The following YEATS2 variants were observed in gnomAD, a reference collection of about 807,000 sequenced individuals.
YEATS2 encodes the protein YEATS domain containing 2, also known as YEATS domain-containing protein 2.
YEATS2 carries 77 observed loss-of-function variants against 163.2 expected under a neutral mutation model. The ratio of observed to expected loss-of-function variants is 0.47; its 90% CI spans 0.39 to 0.57. The LOEUF is 0.57. YEATS2 is among the 20% of genes least tolerant of loss of function. The pLI, the probability that YEATS2 is intolerant of heterozygous loss-of-function variation, is 0.00. For missense variants in YEATS2, 1,549 were observed against 1,729.8 expected (o/e 0.90, Z 1.85); for synonymous variants, 631 against 645.1 (o/e 0.98, Z 0.33).
chr3:183,803,994 G>A lies in YEATS2; in HGVS notation c.3590G>A (p.Arg1197Lys). The A allele has an allele frequency of 6.2e-7, 1 of 1,613,982 alleles. No homozygotes were observed. Among genetic ancestry groups the A allele is most frequent in the Non-Finnish European group, 8.5e-7 (1 of 1,179,986 alleles). Reference protein sequence around the residue: ...IGKRRAAEWQRAMTMRKVLQE... With the variant: ...IGKRRAAEWQKAMTMRKVLQE... ...GAAAATTTTTTTTTTAAGTGGCAAA[G>A]AGCAATGACAATGCGAAAAGTCTTA... is the stretch of plus-strand genomic sequence containing the variant. Residue 1197 changes from arginine (R) to lysine (K), a missense_variant, in exon 27 of 31, where the codon AGA becomes AAA. By Grantham distance (26) the Arg-to-Lys change is conservative. Transcript: ENST00000305135.
At chr3:183,793,421 T>C in intron 21 of YEATS2, 2 of 1,016,162 alleles carry the variant, frequency 2.0e-6, no homozygotes, top group Non-Finnish European at 2.4e-6. Context: ...ACTAACTGTT[T>C]TATTTGAGGC....
intron 12 of YEATS2, among the ~76,000 whole-genome samples, chr3:183,758,366 A>T (rs3043155): frequency 6.6e-6 from 1 of 151,182 alleles, no homozygotes; most frequent in African/African-American, 2.4e-5. Flanking sequence ...CAGGAAAAAA[A>T]AATAATAATG....
intron 25 of YEATS2, 199 bp downstream of exon 25, chr3:183,801,727 G>A (rs1451773592): frequency 2.0e-6 from 1 of 489,276 alleles, no homozygotes; most frequent in African/African-American, 2.0e-5. Flanking sequence ...TCACTGTGTT[G>A]ATCTGTAGAA....
intron 8 of YEATS2, among the ~76,000 whole-genome samples, chr3:183,743,254 A>C (rs1328475752): frequency 2.0e-5 from 3 of 152,380 alleles, no homozygotes; most frequent in Middle Eastern, 3.4e-3. Context: ...AGTTGGAGCA[A>C]CTGAAATAAT....
chr3:183,753,976 A>G, intron 10 of YEATS2, 150 bp from the exon 11 acceptor site: 1 of 1,022,132 alleles, frequency 9.8e-7, no homozygotes, highest in Non-Finnish European at 1.4e-6. Context: ...CACCAAAAAT[A>G]TGAAGGGATG....
At chr3:183,773,952 C>T (rs774188171) in intron 17 of YEATS2, among the ~76,000 whole-genome samples, 158 bp downstream of exon 17, 18 of 152,132 alleles carry the variant, frequency 1.2e-4, no homozygotes, top group Admixed American at 1.0e-3. Flanking sequence ...TTAACACATA[C>T]GATAATTTAA....
At chr3:183,716,936 G>A (rs1367145801) in intron 2 of YEATS2, among the ~76,000 whole-genome samples, 2 of 150,540 alleles carry the variant, frequency 1.3e-5, no homozygotes, top group Admixed American at 6.6e-5. Flanking sequence ...TCTGTCACCC[G>A]GGCTGGAGTG....
chr3:183,733,124 C>T (rs1004920324), intron 7 of YEATS2, among the ~76,000 whole-genome samples: 4 of 152,206 alleles, frequency 2.6e-5, no homozygotes, highest in African/African-American at 9.6e-5. Flanking sequence ...AGCCTTGTAC[C>T]CAGCCTCATT....
intron 10 of YEATS2, among the ~76,000 whole-genome samples, chr3:183,752,866 C>T (rs1014849752): frequency 1.3e-5 from 2 of 151,542 alleles, no homozygotes; most frequent in Non-Finnish European, 2.9e-5. Flanking sequence ...GGCATGATCT[C>T]GCCTCACTGC....
At chr3:183,767,919 T>C (rs1444969992) in intron 15 of YEATS2, among the ~76,000 whole-genome samples, 4 of 152,176 alleles carry the variant, frequency 2.6e-5, no homozygotes, top group African/African-American at 9.7e-5. Flanking sequence ...GTGCATGTAA[T>C]GTGGGGAAAG....
intron 15 of YEATS2, among the ~76,000 whole-genome samples, chr3:183,763,770 AG>A (rs1721614946): frequency 6.6e-6 from 1 of 152,288 alleles, no homozygotes; most frequent in Admixed American, 6.5e-5. Flanking sequence ...AAAGCTATTA[AG>A]TATATAATAT....
At chr3:183,709,447 G>C (rs567994412) in intron 1 of YEATS2, among the ~76,000 whole-genome samples, 1 of 148,948 alleles carries the variant, frequency 6.7e-6, no homozygotes, top group African/African-American at 2.5e-5. Flanking sequence ...AGATTCTCGT[G>C]CCTCAGCCTC....
At chr3:183,752,019 T>G in intron 9 of YEATS2, 54 bp from the exon 10 acceptor site, 3 of 1,597,882 alleles carry the variant, frequency 1.9e-6, no homozygotes, top group Non-Finnish European at 2.6e-6. Context: ...GGACTTGAGC[T>G]TTCTGTGACA....
At chr3:183,732,551 TTTTTTA>T (rs999285126) in intron 7 of YEATS2, among the ~76,000 whole-genome samples, 3 of 152,042 alleles carry the variant, frequency 2.0e-5, no homozygotes, top group African/African-American at 7.2e-5. Context: ...TAAAATTTTA[TTTTTTA>T]TTTTTATTTT....
Position 183,801,448 on chromosome 3 carries a change from C to G in YEATS2, c.3429-7C>G. On this transcript the variant is annotated splice_polypyrimidine_tract_variant and splice_region_variant and intron_variant, in intron 24 of 30. Coordinates refer to ENST00000305135, the MANE Select transcript of YEATS2 (RefSeq NM_018023.5). ...TTATTGCCTTAATTTTTTTTTATCT[C>G]TCTCAGGATAGACCATTTAGAAACT... is the stretch of plus-strand genomic sequence containing the variant. 6.2e-7 allele frequency: 1 copy of G among 1,601,162 alleles called. No individual in the cohort carries two copies. Among genetic ancestry groups the G allele is most frequent in the Non-Finnish European group, 8.5e-7 (1 of 1,174,112 alleles).
At chr3:183,761,194 T>C (rs1721312457) in intron 13 of YEATS2, among the ~76,000 whole-genome samples, 1 of 152,004 alleles carries the variant, frequency 6.6e-6, no homozygotes, top group African/African-American at 2.4e-5. Flanking sequence ...TTCAAGTGAT[T>C]CTACTGCCTC....
rs560422111 is a variant in YEATS2, at chr3:183,746,657, CT to C, written c.925-999del. Among the ~76,000 whole-genome samples the C allele has an allele frequency of 6.5e-3, 912 of 141,252 alleles. 6 individuals carry two copies. The highest frequency in any genetic ancestry group is 0.018 in the African/African-American group (676 of 38,466). 92.7% of individuals were successfully genotyped at this position (141,252 alleles called of 152,430 possible). A position where few individuals can be genotyped will look rare whatever the true frequency, so the allele number is the denominator to read the frequency against. On this transcript the variant is annotated intron_variant, in intron 8 of 30. Coordinates refer to ENST00000305135, the MANE Select transcript of YEATS2 (RefSeq NM_018023.5). ...GAAAATGGATGTAACCTAAAATTAC[CT>C]TTTTTTTTTTTTTTTAGCAGTCATA...
chr3:183,730,052 G>GTTTGTTTTTTTTTTT (rs1560244258), intron 7 of YEATS2, among the ~76,000 whole-genome samples: 5 of 41,722 alleles, frequency 1.2e-4, no homozygotes, highest in Non-Finnish European at 2.2e-4. Flanking sequence ...TTTTTTGTTT[G>GTTTGTTTTTTTTTTT]TTTTTTTTTT....
At chr3:183,707,867 G>C (rs1267526662) in intron 1 of YEATS2, among the ~76,000 whole-genome samples, 18 of 151,802 alleles carry the variant, frequency 1.2e-4, no homozygotes. Context: ...GTAGAGACGG[G>C]GTTTCACCGT....
Sources: allele counts gnomAD v4.1 joint callset (sites outside exome capture counted in the v4.1 genomes callset), GRCh38; gene constraint gnomAD v4.1.1; transcripts MANE v1.5; gene names NCBI Gene and HGNC (gene_info 2026-07-23, HGNC 2026-07-21).